PDSS1: variants seen among roughly 807,000 people sequenced by gnomAD.
PDSS1 encodes decaprenyl diphosphate synthase subunit 1.
In PDSS1, 43 loss-of-function variants were observed where a neutral mutation model predicts 57.5. The observed-to-expected ratio is 0.75, with a 90% CI of 0.59 to 0.96. PDSS1 has a LOEUF of 0.96. PDSS1 is among the 50% of genes least tolerant of loss of function. The pLI, the probability that PDSS1 is intolerant of heterozygous loss-of-function variation, is 0.00. For missense variants in PDSS1, 438 were observed against 527.8 expected (o/e 0.83, Z 1.67); for synonymous variants, 175 against 191.3 (o/e 0.91, Z 0.70).
intron 1 of PDSS1, among the ~76,000 whole-genome samples, chr10:26,700,297 G>A (rs1835007292): frequency 9.2e-6 from 1 of 109,128 alleles, no homozygotes; most frequent in South Asian, 3.1e-4. Flanking sequence ...CCATGTATTT[G>A]ATTCTTACCC....
intron 4 of PDSS1, among the ~76,000 whole-genome samples, chr10:26,707,298 A>T (rs1351499187): frequency 6.6e-6 from 1 of 152,160 alleles, no homozygotes; most frequent in Non-Finnish European, 1.5e-5. Flanking sequence ...AACTCCCGAG[A>T]TCTTATTGGG....
chr10:26,741,800 C>T (rs555618493), intron 10 of PDSS1, among the ~76,000 whole-genome samples: 1 of 152,304 alleles, frequency 6.6e-6, no homozygotes, highest in African/African-American at 2.4e-5. Flanking sequence ...CATCCCTACT[C>T]AATCAGAAAC....
At chr10:26,708,996 G>A (rs1780180) in intron 4 of PDSS1, among the ~76,000 whole-genome samples, 84,978 of 151,642 alleles carry the variant, frequency 0.56, 24,196 homozygotes, top group Middle Eastern at 0.64. Context: ...TTCGCTGTCC[G>A]GCTGTCAATG....
chr10:26,730,718 T>G (rs969759574), intron 8 of PDSS1, among the ~76,000 whole-genome samples: 3 of 152,182 alleles, frequency 2.0e-5, no homozygotes, highest in East Asian at 1.9e-4. Context: ...CCTACCCCCT[T>G]GTAGGTAAGC....
intron 1 of PDSS1, among the ~76,000 whole-genome samples, chr10:26,700,937 G>C (rs1780188): frequency 0.64 from 96,457 of 151,864 alleles, 31,249 homozygotes; most frequent in East Asian, 0.81. Context: ...CTCAGAAGAA[G>C]AAAGGAAGAT....
rs144623506 is a variant in PDSS1 at position 26,746,737 on chromosome 10, A to T, written c.*264A>T. The T allele has an allele frequency of 1.1e-3, 538 of 474,166 alleles. 1 individual carries two copies. The highest frequency in any genetic ancestry group is 9.1e-3 in the African/African-American group (470 of 51,716). 29.4% of individuals were successfully genotyped at this position (474,166 alleles called of 1,614,324 possible). A position where few individuals can be genotyped will look rare whatever the true frequency, so the allele number is the denominator to read the frequency against. Reference sequence around the variant, plus strand: ...TTGATGGTTATATGTGGTATTGTTTACACTGTTAATATCCACATGTAAGGC... The same window carrying T: ...TTGATGGTTATATGTGGTATTGTTTTCACTGTTAATATCCACATGTAAGGC... On this transcript the variant is annotated 3_prime_UTR_variant, in exon 12 of 12. Coordinates refer to ENST00000376215, the MANE Select transcript of PDSS1 (RefSeq NM_014317.5).
chr10:26,736,430 T>C (rs1326346718), intron 10 of PDSS1, among the ~76,000 whole-genome samples: 1 of 152,226 alleles, frequency 6.6e-6, no homozygotes, highest in Non-Finnish European at 1.5e-5. Context: ...TGGTGTAAAA[T>C]TATAGTAACT....
At chr10:26,706,965 G>GTA (rs1203293488) in intron 4 of PDSS1, among the ~76,000 whole-genome samples, 1 of 151,842 alleles carries the variant, frequency 6.6e-6, no homozygotes, top group Non-Finnish European at 1.5e-5. Flanking sequence ...AGGGAAGGAA[G>GTA]TAAAGTACAC....
chr10:26,728,635 A>G (rs893635210), intron 8 of PDSS1, among the ~76,000 whole-genome samples: 1 of 152,098 alleles, frequency 6.6e-6, no homozygotes, highest in Non-Finnish European at 1.5e-5. Context: ...TTTCTTCTAT[A>G]TCACTCTTCT....
chr10:26,720,101 G>A (rs1026911907), intron 5 of PDSS1, 117 bp from the exon 6 acceptor site: 26 of 1,457,628 alleles, frequency 1.8e-5, no homozygotes, highest in South Asian at 4.8e-5. Context: ...TTTTTATACC[G>A]TTTCTCTTAG....
At chr10:26,699,206 G>A (rs1374807881) in intron 1 of PDSS1, among the ~76,000 whole-genome samples, 1 of 152,112 alleles carries the variant, frequency 6.6e-6, no homozygotes, top group African/African-American at 2.4e-5. Flanking sequence ...AGAGAGTAAA[G>A]AGAACAGAAT....
chr10:26,730,497 TACCTGGGAGGCTGAGGTGGGAGGATC>T lies in PDSS1; in HGVS notation c.832-4737_832-4712del, dbSNP rs1443695610. Among the ~76,000 whole-genome samples the T allele has an allele frequency of 4.0e-5, 6 of 151,790 alleles. No homozygotes were observed. The East Asian group carries it at 9.8e-4, about 25-fold the overall frequency. On this transcript the variant is annotated intron_variant, in intron 8 of 11. Transcript: ENST00000376215. ...GGTAGTGCACACCTGAAGTCCCAGC[TACCTGGGAGGCTGAGGTGGGAGGATC>T]ACCTGAGCCCTGGGAGGTCGAGGCT...
intron 1 of PDSS1, among the ~76,000 whole-genome samples, chr10:26,698,606 G>T (rs1834951484): frequency 6.6e-6 from 1 of 152,204 alleles, no homozygotes; most frequent in African/African-American, 2.4e-5. Flanking sequence ...GCTTTGTAAT[G>T]ATTCTCAGTG....
chr10:26,739,249 G>A (rs1208012765), intron 10 of PDSS1, among the ~76,000 whole-genome samples: 1 of 152,050 alleles, frequency 6.6e-6, no homozygotes, highest in Non-Finnish European at 1.5e-5. Flanking sequence ...TTTATGGATG[G>A]GTTTCACAGA....
intron 10 of PDSS1, 65 bp from the exon 11 acceptor site, chr10:26,742,432 A>C: frequency 8.7e-7 from 1 of 1,155,352 alleles, no homozygotes; most frequent in Non-Finnish European, 1.3e-6. Context: ...AACTAGTGTT[A>C]GAACACTTGT....
chr10:26,736,833 G>C (rs1222868144), intron 10 of PDSS1, among the ~76,000 whole-genome samples: 1 of 152,160 alleles, frequency 6.6e-6, no homozygotes, highest in African/African-American at 2.4e-5. Flanking sequence ...AGGCTTACTT[G>C]CCAGCCCAAA....
intron 5 of PDSS1, among the ~76,000 whole-genome samples, chr10:26,714,228 C>A (rs1364207456): frequency 6.6e-6 from 1 of 152,162 alleles, no homozygotes. Context: ...AATCCCAGCA[C>A]TTTGGGAGGC....
At chr10:26,732,668 G>A (rs1317611744) in intron 8 of PDSS1, among the ~76,000 whole-genome samples, 2 of 152,200 alleles carry the variant, frequency 1.3e-5, no homozygotes, top group Non-Finnish European at 2.9e-5. Flanking sequence ...AGAACTCTCA[G>A]AACAGTGCCT....
chr10:26,718,204 G>T (rs1412786912), intron 5 of PDSS1: 1 of 151,922 alleles, frequency 6.6e-6, no homozygotes, highest in Non-Finnish European at 1.5e-5. Context: ...CACCATGCCC[G>T]ACTAATCTTT....
Sources: gnomAD v4.1 joint callset for allele counts (sites outside exome capture counted in the v4.1 genomes callset) on GRCh38, gnomAD v4.1.1 for gene constraint, MANE v1.5 for transcripts, NCBI Gene and HGNC (gene_info 2026-07-23, HGNC 2026-07-21) for gene names.